ETNK1: variants seen among roughly 807,000 people sequenced by gnomAD.
ETNK1 encodes ethanolamine kinase 1, also known as putative protein product of Nbla10396.
In ETNK1, 8 loss-of-function variants were observed where a neutral mutation model predicts 45.1. The observed-to-expected ratio is 0.18, with a 90% CI of 0.10 to 0.32. The LOEUF is 0.32. Among genes scored for constraint, ETNK1 ranks in the 10% least tolerant of loss-of-function variants. The pLI, the probability that ETNK1 is intolerant of heterozygous loss-of-function variation, is 1.00. For synonymous variants in ETNK1, 152 were observed against 151.9 expected, an observed-to-expected ratio of 1.00 and a Z score of -0.01; for missense variants, 302 against 430.6, an observed-to-expected ratio of 0.70 and a Z score of 2.64.
intron 3 of ETNK1, among the ~76,000 whole-genome samples, chr12:22,659,978 C>T (rs757430686): frequency 7.0e-6 from 1 of 142,046 alleles, no homozygotes; most frequent in Non-Finnish European, 1.5e-5. Flanking sequence ...TTTGTTTGTT[C>T]ATGATTTAAG....
At chr12:22,625,819 G>A (rs1158905741) in intron 1 of ETNK1, 3 of 727,804 alleles carry the variant, frequency 4.1e-6, no homozygotes, top group African/African-American at 3.5e-5. Context: ...TCTAGAAGCC[G>A]CTGCGTAAGT....
At chr12:22,650,713 A>G (rs1953863496) in intron 2 of ETNK1, among the ~76,000 whole-genome samples, 1 of 151,956 alleles carries the variant, frequency 6.6e-6, no homozygotes, top group African/African-American at 2.4e-5. Context: ...TTATATAAAA[A>G]ATAAACATTT....
At chr12:22,636,768 C>G (rs1953661280) in intron 1 of ETNK1, among the ~76,000 whole-genome samples, 1 of 152,072 alleles carries the variant, frequency 6.6e-6, no homozygotes, top group African/African-American at 2.4e-5. Context: ...ATTTACATAA[C>G]ATCTACATTG....
chr12:22,628,541 ACTTTT>A (rs1301292799), intron 1 of ETNK1, among the ~76,000 whole-genome samples: 2 of 152,100 alleles, frequency 1.3e-5, no homozygotes, highest in African/African-American at 2.4e-5. Flanking sequence ...TAATTTTTAT[ACTTTT>A]CTTTGGAGAG....
chr12:22,667,279 G>T (rs1246099634), intron 4 of ETNK1, among the ~76,000 whole-genome samples: 1 of 152,032 alleles, frequency 6.6e-6, no homozygotes, highest in African/African-American at 2.4e-5. Flanking sequence ...AGTTTTTCAT[G>T]CTTTTTTGTC....
chr12:22,680,473 C>T (rs73080500), intron 6 of ETNK1, among the ~76,000 whole-genome samples: 6 of 152,224 alleles, frequency 3.9e-5, no homozygotes, highest in Admixed American at 2.6e-4. Context: ...CTACTTCACA[C>T]GTCCTACTTC....
chr12:22,651,817 C>G (rs1299487540), intron 2 of ETNK1, among the ~76,000 whole-genome samples: 2 of 151,594 alleles, frequency 1.3e-5, no homozygotes. Context: ...TCTCGAGTAG[C>G]TGGGACTATA....
At chr12:22,672,510 A>G (rs976361911) in intron 5 of ETNK1, among the ~76,000 whole-genome samples, 1 of 152,200 alleles carries the variant, frequency 6.6e-6, no homozygotes, top group African/African-American at 2.4e-5. Flanking sequence ...ATTTTTACGT[A>G]TCTCATCTAT....
chr12:22,669,963 AT>A (rs1954091368), intron 4 of ETNK1, among the ~76,000 whole-genome samples: 1 of 152,004 alleles, frequency 6.6e-6, no homozygotes, highest in African/African-American at 2.4e-5. Context: ...CTTATTCTAG[AT>A]GTGACTTATT....
At chr12:22,625,970 C>T in intron 1 of ETNK1, 1 of 477,800 alleles carries the variant, frequency 2.1e-6, no homozygotes. Context: ...ACCAGTAATG[C>T]AGTCATTAAT....
intron 3 of ETNK1, among the ~76,000 whole-genome samples, chr12:22,659,960 T>C (rs921287271): frequency 6.6e-6 from 1 of 151,794 alleles, no homozygotes; most frequent in Admixed American, 6.6e-5. Context: ...GTATTTCTTT[T>C]ATTCCATTTT....
chr12:22,643,795 T>G lies in ETNK1; in HGVS notation c.189T>G (p.Ile63Met). 1.2e-6 allele frequency: 2 copies of G among 1,612,850 alleles called. No individual in the cohort carries two copies. Among genetic ancestry groups the G allele is most frequent in the Middle Eastern group, 1.7e-4 (1 of 6,054 alleles). ...LFTDGITNKL[I>M]GCYVGNTMED... ...CAGATGGAATCACAAATAAACTTAT[T>G]GGCTGTTACGTGGGAAACACCATGG... Residue 63 changes from isoleucine (I) to methionine (M), a missense_variant, in exon 2 of 8, where the codon ATT (isoleucine) becomes ATG (methionine). Ile to Met is a conservative substitution (Grantham distance 10). Coordinates refer to ENST00000266517, the MANE Select transcript of ETNK1 (RefSeq NM_018638.5).
rs1415019264 is a variant in ETNK1 at position 22,685,925 on chromosome 12, T to G, written c.*971T>G. 1 of 152,294 alleles carries G rather than the reference T, an allele frequency of 6.6e-6. No individual in the cohort carries two copies. Among genetic ancestry groups the G allele is most frequent in the Non-Finnish European group, 1.5e-5 (1 of 67,800 alleles). The allele number at this position is 152,294 out of a possible 1,614,324, so 9.4% of individuals were successfully genotyped here. A position where few individuals can be genotyped will look rare whatever the true frequency, so the allele number is the denominator to read the frequency against. On this transcript the variant is annotated 3_prime_UTR_variant, in exon 8 of 8. Coordinates refer to ENST00000266517, the MANE Select transcript of ETNK1 (RefSeq NM_018638.5). ...TTATTTTTTACCTATCCAGAGTCAT[T>G]CCTTACATTTCAGTTTCATGTTTCA...
At chr12:22,673,088 T>G (rs1318802939) in intron 5 of ETNK1, among the ~76,000 whole-genome samples, 1 of 152,042 alleles carries the variant, frequency 6.6e-6, no homozygotes. Flanking sequence ...TGAACGAGAT[T>G]CCGTCTCCAA....
intron 2 of ETNK1, among the ~76,000 whole-genome samples, chr12:22,646,918 T>G (rs1304428008): frequency 1.4e-4 from 22 of 151,756 alleles, no homozygotes; most frequent in Admixed American, 1.4e-3. Flanking sequence ...AGAAAAGGCT[T>G]TCAGAGAAAG....
intron 7 of ETNK1, 56 bp from the exon 8 acceptor site, chr12:22,684,826 A>G: frequency 7.2e-7 from 1 of 1,379,694 alleles, no homozygotes; most frequent in Admixed American, 2.1e-5. Flanking sequence ...AAAATAAGGG[A>G]AGGACCAAGT....
At chr12:22,637,629 T>C (rs759929227) in intron 1 of ETNK1, among the ~76,000 whole-genome samples, 5 of 152,134 alleles carry the variant, frequency 3.3e-5, no homozygotes, top group Non-Finnish European at 5.9e-5. Context: ...TATAGCCCAA[T>C]TTGAAAGTCA....
intron 6 of ETNK1, among the ~76,000 whole-genome samples, chr12:22,674,361 G>C (rs904428536): frequency 2.0e-5 from 3 of 152,132 alleles, no homozygotes; most frequent in African/African-American, 7.2e-5. Context: ...AGTTGACATG[G>C]GAAATATTTG....
chr12:22,651,188 G>A (rs1474042828), intron 2 of ETNK1, among the ~76,000 whole-genome samples: 1 of 152,184 alleles, frequency 6.6e-6, no homozygotes, highest in Non-Finnish European at 1.5e-5. Flanking sequence ...AGATTGGTCG[G>A]ACCAGGCGTG....
Sources: allele counts gnomAD v4.1 joint callset (sites outside exome capture counted in the v4.1 genomes callset), GRCh38; gene constraint gnomAD v4.1.1; transcripts MANE v1.5; gene names NCBI Gene and HGNC (gene_info 2026-07-23, HGNC 2026-07-21).